The following PANK4 variants were observed in gnomAD, a reference collection of about 807,000 sequenced individuals.
PANK4 encodes the protein 4'-phosphopantetheine phosphatase.
Under a neutral mutation model 87.9 loss-of-function variants are expected in PANK4, and 40 were observed. The observed-to-expected ratio is 0.46, with a 90% CI of 0.35 to 0.59. The LOEUF is 0.59. Ranked by LOEUF, PANK4 falls within the 20% of genes least tolerant of loss-of-function variation. The pLI, the probability that PANK4 is intolerant of heterozygous loss-of-function variation, is 0.00. For missense variants in PANK4, 926 were observed against 1,072.3 expected, an observed-to-expected ratio of 0.86 and a Z score of 1.90; for synonymous variants, 524 against 467.4, an observed-to-expected ratio of 1.12 and a Z score of -1.56.
rs1195224101 is a variant in PANK4, at chr1:2,520,313, G to A, written c.699+9C>T. ...GACCCCTGGAAGGTCTCTGGCAGCT[G>A]CCGCATACCTTCGTTTTGGTGAGCA... On this transcript the variant is annotated intron_variant, in intron 5 of 18. Transcript: ENST00000378466. The surrounding 1 kb of genome is among the most constrained non-coding windows in gnomAD (Gnocchi z 6.2). 1 of 1,611,222 alleles carries A rather than the reference G, an allele frequency of 6.2e-7. No individual in the cohort carries two copies.
chr1:2,522,659 GAAAC>G (rs1045874355), intron 1 of PANK4, among the ~76,000 whole-genome samples: 2 of 145,052 alleles, frequency 1.4e-5, no homozygotes, highest in Non-Finnish European at 3.0e-5. Flanking sequence ...AATAGAAAAA[GAAAC>G]AAAATGTGAC....
At chr1:2,518,026 G>A (rs1643813659) in intron 9 of PANK4, 138 bp downstream of exon 9, 1 of 560,510 alleles carries the variant, frequency 1.8e-6, no homozygotes, top group Non-Finnish European at 3.1e-6. Flanking sequence ...TATACCCCAG[G>A]TCCATGGGAG....
At chr1:2,522,225 G>C in intron 1 of PANK4, among the ~76,000 whole-genome samples, 1 of 152,182 alleles carries the variant, frequency 6.6e-6, no homozygotes, top group East Asian at 1.9e-4. Flanking sequence ...ACCCTCGACC[G>C]TCCCTGCTTA....
At position 2,508,678 on chromosome 1, in the gene PANK4, G is replaced by A. The variant is rs1284226115; in HGVS notation, c.*169C>T. On this transcript the variant is annotated 3_prime_UTR_variant, in exon 19 of 19. Transcript: ENST00000378466. The surrounding 1 kb of genome is among the most constrained non-coding windows in gnomAD (Gnocchi z 5.1). The stretch of plus-strand genomic sequence containing the variant: ...AGATTCCAATATGAACGTCTCCCAG[G>A]ACAAAGCTGCGTCTCGCCTCTGGGT... 22 of 574,564 alleles carry A rather than the reference G, an allele frequency of 3.8e-5. No homozygotes were observed. The highest frequency in any genetic ancestry group is 5.6e-5 in the Non-Finnish European group (18 of 323,212). 35.6% of individuals were successfully genotyped at this position (574,564 alleles called of 1,614,324 possible).
At position 2,515,668 on chromosome 1, in the gene PANK4, G is replaced by A. The variant is rs908204338; in HGVS notation, c.1268C>T (p.Pro423Leu). 3.7e-6 allele frequency: 6 copies of A among 1,612,746 alleles called. No homozygotes were observed. The highest frequency in any genetic ancestry group is 1.7e-4 in the Middle Eastern group (1 of 6,054). Reference protein sequence around the residue: ...DRLERPLVDLPLLLDPPSYVP... With the variant: ...DRLERPLVDLLLLLDPPSYVP... ...GTAGGAGGGCGGGTCCAGGAGGAGC[G>A]GCAGGTCAACCAGTGGCCTCTCCAG... The change falls in exon 10 of 19, where the codon CCG (proline) becomes CTG (leucine). Residue 423 changes from proline to leucine, a missense_variant. Coordinates refer to ENST00000378466, the MANE Select transcript of PANK4 (RefSeq NM_018216.4). This position sits in a 1 kb window ranked among gnomAD's most constrained non-coding sequence, Gnocchi z 5.0.
At chr1:2,511,798 G>T (rs1643666914) in intron 13 of PANK4, 115 bp from the exon 14 acceptor site, 1 of 699,348 alleles carries the variant, frequency 1.4e-6, no homozygotes, top group African/African-American at 1.8e-5. Flanking sequence ...GCTGCTCAAT[G>T]TAAAGATCCC....
chr1:2,509,990 G>T lies in PANK4; in HGVS notation c.2040-60C>A. The T allele has an allele frequency of 6.3e-7, 1 of 1,578,356 alleles. No individual in the cohort carries two copies. The highest frequency in any genetic ancestry group is 1.8e-5 in the Admixed American group (1 of 56,946). ...CTCCCAGTTCAGTGACAATCCCCAT[G>T]GCCCACTCTGCCCAGCTGGTGCCCC... On this transcript the variant is annotated intron_variant, in intron 17 of 18. Coordinates refer to ENST00000378466, the MANE Select transcript of PANK4 (RefSeq NM_018216.4). This position sits in a 1 kb window ranked among gnomAD's most constrained non-coding sequence, Gnocchi z 4.9.
chr1:2,518,189 G>C lies in PANK4; in HGVS notation c.1193C>G (p.Pro398Arg). Residue 398 changes from proline to arginine, a missense_variant, in exon 9 of 19, where the codon CCG becomes CGG. By Grantham distance (103) the Pro-to-Arg change is moderately radical. Coordinates refer to ENST00000378466, the MANE Select transcript of PANK4 (RefSeq NM_018216.4). ...GLMSASPELGPAQRARSGTFD... is the reference protein window; with the variant it reads ...GLMSASPELGRAQRARSGTFD... ...AGTGCCACTCCGCGCCCGCTGCGCCGGGCCGAGCTCGGGTGATGCACTCAT... is the reference window on the plus strand; with the variant it reads ...AGTGCCACTCCGCGCCCGCTGCGCCCGGCCGAGCTCGGGTGATGCACTCAT... 1 of 1,609,364 alleles carries C rather than the reference G, an allele frequency of 6.2e-7. No homozygotes were observed. Among genetic ancestry groups the C allele is most frequent in the Non-Finnish European group, 8.5e-7 (1 of 1,179,212 alleles).
chr1:2,523,403 C>T (rs1363541769), intron 1 of PANK4, among the ~76,000 whole-genome samples: 2 of 152,174 alleles, frequency 1.3e-5, no homozygotes, highest in Non-Finnish European at 2.9e-5. Context: ...ACCATGCCGC[C>T]GACTCACCTC....
chr1:2,514,303 G>A (rs1046422541), intron 11 of PANK4, 51 bp downstream of exon 11: 16 of 1,375,794 alleles, frequency 1.2e-5, no homozygotes, highest in Non-Finnish European at 1.7e-5. Context: ...AGAGGTGCAG[G>A]GGCCCTCTGG....
At position 2,509,767 on chromosome 1, in the gene PANK4, T is replaced by C. The variant is rs547256321; in HGVS notation, c.2108+95A>G. The C allele has an allele frequency of 1.0e-4, 111 of 1,098,902 alleles. 1 individual carries two copies. The South Asian group carries it at 1.4e-3, about 14-fold the overall frequency. The allele number at this position is 1,098,902 out of a possible 1,614,324, so 68.1% of individuals were successfully genotyped here. A position where few individuals can be genotyped will look rare whatever the true frequency, so the allele number is the denominator to read the frequency against. ...TCAGGAGAGGCCGCAGGGGCAGTCC[T>C]GAGGTCGGTGTCCCGCATGCACCTG... is the stretch of plus-strand genomic sequence containing the variant. On this transcript the variant is annotated intron_variant, in intron 18 of 18. Coordinates refer to ENST00000378466, the MANE Select transcript of PANK4 (RefSeq NM_018216.4). This position sits in a 1 kb window ranked among gnomAD's most constrained non-coding sequence, Gnocchi z 4.9.
In PANK4 at chr1:2,509,107, C is replaced by T. The variant is rs747680235; in HGVS notation, c.2109-47G>A. The T allele has an allele frequency of 3.4e-6, 5 of 1,450,666 alleles. No homozygotes were observed. In the Admixed American group the frequency reaches 9.4e-5, roughly 27 times the overall value. 89.9% of individuals were successfully genotyped at this position (1,450,666 alleles called of 1,614,324 possible). On this transcript the variant is annotated intron_variant, in intron 18 of 18. Transcript: ENST00000378466. This position sits in a 1 kb window ranked among gnomAD's most constrained non-coding sequence, Gnocchi z 4.9. The stretch of plus-strand genomic sequence containing the variant: ...TGAGACTGGGCAAGCAGACCCCAGA[C>T]CCCACTTCCCATACAGTGCGGCGAC...
intron 1 of PANK4, 162 bp downstream of exon 1, chr1:2,526,302 C>G (rs1361805648): frequency 4.5e-6 from 1 of 220,214 alleles, no homozygotes; most frequent in Non-Finnish European, 7.7e-6. Context: ...GACTACAAGG[C>G]CCGTGAGGCT....
intron 15 of PANK4, among the ~76,000 whole-genome samples, 168 bp downstream of exon 15, chr1:2,511,170 G>C (rs966494176): frequency 6.6e-6 from 1 of 152,216 alleles, no homozygotes; most frequent in African/African-American, 2.4e-5. Context: ...CACGACAGGA[G>C]GGCAAGTGTG....
chr1:2,517,340 C>G (rs896097226), intron 9 of PANK4, among the ~76,000 whole-genome samples: 4 of 152,254 alleles, frequency 2.6e-5, no homozygotes, highest in African/African-American at 7.2e-5. Flanking sequence ...CAACAAGTCG[C>G]GGTCTTGAAA....
At position 2,510,775 on chromosome 1, in the gene PANK4, G is replaced by A; in HGVS notation, c.1841C>T (p.Pro614Leu). 2 of 1,606,946 alleles carry A rather than the reference G, an allele frequency of 1.2e-6. No individual in the cohort carries two copies. Among genetic ancestry groups the A allele is most frequent in the Non-Finnish European group, 8.5e-7 (1 of 1,174,178 alleles). ...TGCGAAAATTAAGGCACATTTATGA[G>A]GGGGCCCCTGTAAGACAAAACCAGG... ...SEWLQRLKGP[P>L]HKCALIFADN... The change falls in exon 16 of 19, where the codon CCT becomes CTT. Residue 614 changes from proline (P) to leucine (L), a missense_variant. Coordinates refer to ENST00000378466, the MANE Select transcript of PANK4 (RefSeq NM_018216.4). This position sits in a 1 kb window ranked among gnomAD's most constrained non-coding sequence, Gnocchi z 4.9.
intron 9 of PANK4, 61 bp downstream of exon 9, chr1:2,518,103 G>C (rs1643815485): frequency 6.9e-6 from 7 of 1,011,162 alleles, no homozygotes; most frequent in Non-Finnish European, 1.0e-5. Flanking sequence ...AGGGACAGGC[G>C]AGGTGAGTGC....
At position 2,519,402 on chromosome 1, in the gene PANK4, GA is replaced by G; in HGVS notation, c.854-79del. ...ATGAGAGCGAGCAGGAGGGGAGGGGGAGAGAGAGCTGAGTGGGAGGGGAGGG... is the reference window on the plus strand; with the variant it reads ...ATGAGAGCGAGCAGGAGGGGAGGGGGGAGAGAGCTGAGTGGGAGGGGAGGG... On this transcript the variant is annotated intron_variant, in intron 6 of 18. Transcript: ENST00000378466. The surrounding 1 kb of genome is among the most constrained non-coding windows in gnomAD (Gnocchi z 8.3). 2.0e-6 allele frequency: 1 copy of G among 492,888 alleles called. No homozygotes were observed. Among genetic ancestry groups the G allele is most frequent in the Non-Finnish European group, 3.1e-6 (1 of 327,852 alleles). 30.5% of individuals were successfully genotyped at this position (492,888 alleles called of 1,614,324 possible).
chr1:2,512,722 T>C, intron 13 of PANK4, 166 bp downstream of exon 13: 1 of 682,538 alleles, frequency 1.5e-6, no homozygotes, highest in Non-Finnish European at 2.5e-6. Context: ...GCCCAGCCCC[T>C]GGCGCTGCTG....
Sources: allele counts gnomAD v4.1 joint callset (sites outside exome capture counted in the v4.1 genomes callset), GRCh38; gene constraint gnomAD v4.1.1; non-coding constraint Gnocchi (gnomAD v3.1); transcripts MANE v1.5; gene names NCBI Gene and HGNC (gene_info 2026-07-23, HGNC 2026-07-21).